IMMP2L: variants seen among roughly 807,000 people sequenced by gnomAD.
IMMP2L encodes mitochondrial inner membrane protease subunit 2.
In IMMP2L, 18 loss-of-function variants were observed where a neutral mutation model predicts 19.3. The ratio of observed to expected loss-of-function variants is 0.93; its 90% CI spans 0.64 to 1.38. The LOEUF is 1.38. IMMP2L is among the 40% of genes most tolerant of loss of function. The probability of loss-of-function intolerance (pLI) is 0.00; values close to 1 mark genes in which losing one functional copy is unlikely to be tolerated. For missense variants in IMMP2L, 233 were observed against 218.2 expected (o/e 1.07, Z -0.43); for synonymous variants, 76 against 73.0 (o/e 1.04, Z -0.21).
At chr7:111,059,159 T>G (rs1038610087) in intron 3 of IMMP2L, among the ~76,000 whole-genome samples, 1 of 152,024 alleles carries the variant, frequency 6.6e-6, no homozygotes, top group Non-Finnish European at 1.5e-5. Flanking sequence ...ATTTTTTATA[T>G]TTTCAGTAGA....
chr7:111,111,992 G>T (rs1799287939), intron 3 of IMMP2L, among the ~76,000 whole-genome samples: 1 of 124,048 alleles, frequency 8.1e-6, no homozygotes, highest in African/African-American at 3.2e-5. Flanking sequence ...CTGTCTCCCA[G>T]GCTGGAGTGC....
At chr7:111,426,592 A>G (rs1836099680) in intron 3 of IMMP2L, among the ~76,000 whole-genome samples, 1 of 151,218 alleles carries the variant, frequency 6.6e-6, no homozygotes, top group Non-Finnish European at 1.5e-5. Flanking sequence ...GACAAATATC[A>G]AAGTACTGTG....
intron 2 of IMMP2L, among the ~76,000 whole-genome samples, chr7:111,508,340 A>C (rs2132534513): frequency 6.6e-6 from 1 of 152,248 alleles, no homozygotes; most frequent in Admixed American, 6.5e-5. Context: ...AAATAGAAAA[A>C]TGTTTAATTA....
At chr7:111,412,725 A>C (rs75957154) in intron 3 of IMMP2L, among the ~76,000 whole-genome samples, 2,537 of 151,916 alleles carry the variant, frequency 0.017, 120 homozygotes, top group African/African-American at 0.058. Context: ...TAATCAATTA[A>C]ATAAAAATAT....
chr7:110,991,105 C>A (rs967765352), intron 3 of IMMP2L, among the ~76,000 whole-genome samples: 1 of 152,116 alleles, frequency 6.6e-6, no homozygotes, highest in African/African-American at 2.4e-5. Flanking sequence ...GTATTTCAAA[C>A]CACATCATTT....
At chr7:111,147,844 T>A (rs933572596) in intron 3 of IMMP2L, among the ~76,000 whole-genome samples, 3 of 152,148 alleles carry the variant, frequency 2.0e-5, no homozygotes, top group Non-Finnish European at 4.4e-5. Flanking sequence ...AACAAATGCT[T>A]GCAATGTTCC....
chr7:111,199,313 T>A (rs1809849627), intron 3 of IMMP2L, among the ~76,000 whole-genome samples: 1 of 152,160 alleles, frequency 6.6e-6, no homozygotes, highest in African/African-American at 2.4e-5. Context: ...TAAGAGTAAC[T>A]GGACAACCTG....
At chr7:110,738,874 A>G (rs1796813445) in intron 5 of IMMP2L, among the ~76,000 whole-genome samples, 1 of 152,246 alleles carries the variant, frequency 6.6e-6, no homozygotes, top group Non-Finnish European at 1.5e-5. Flanking sequence ...TCTCAGCAGA[A>G]ACTCTACAAA....
chr7:111,293,736 C>T (rs2129757182), intron 3 of IMMP2L, among the ~76,000 whole-genome samples: 1 of 152,040 alleles, frequency 6.6e-6, no homozygotes, highest in South Asian at 2.1e-4. Context: ...TTCTTCCATA[C>T]ACCAGGTGCT....
intron 3 of IMMP2L, among the ~76,000 whole-genome samples, chr7:111,376,504 T>C (rs1348483642): frequency 6.6e-6 from 1 of 152,106 alleles, no homozygotes; most frequent in Non-Finnish European, 1.5e-5. Flanking sequence ...TTTCCTCAAA[T>C]GCTTAAACAC....
At chr7:111,450,842 T>A (rs1251196879) in intron 3 of IMMP2L, among the ~76,000 whole-genome samples, 3 of 149,160 alleles carry the variant, frequency 2.0e-5, no homozygotes, top group South Asian at 2.1e-4. Context: ...GAATCTACAA[T>A]GAACTCAAAC....
chr7:111,496,228 T>A (rs969638998), intron 2 of IMMP2L, among the ~76,000 whole-genome samples: 1 of 152,134 alleles, frequency 6.6e-6, no homozygotes, highest in African/African-American at 2.4e-5. Flanking sequence ...ATAATTTGCA[T>A]GGCTTCTAGA....
intron 3 of IMMP2L, among the ~76,000 whole-genome samples, chr7:111,084,914 ATTG>A (rs1344296133): frequency 2.0e-5 from 3 of 152,198 alleles, no homozygotes; most frequent in Non-Finnish European, 4.4e-5. Flanking sequence ...TAAAGGGATG[ATTG>A]TTGTTATTAT....
intron 3 of IMMP2L, among the ~76,000 whole-genome samples, chr7:111,048,261 A>AG (rs1317865892): frequency 1.3e-5 from 2 of 148,656 alleles, no homozygotes; most frequent in African/African-American, 5.1e-5. Flanking sequence ...AAAAAAAAAA[A>AG]AAAAGAAAAA....
intron 3 of IMMP2L, among the ~76,000 whole-genome samples, chr7:111,481,978 G>A (rs1224233860): frequency 6.6e-6 from 1 of 152,162 alleles, no homozygotes. Context: ...GATCACTTAG[G>A]CCCAGGAGTT....
At chr7:111,529,411 C>T (rs1847186955) in intron 1 of IMMP2L, among the ~76,000 whole-genome samples, 1 of 152,172 alleles carries the variant, frequency 6.6e-6, no homozygotes, top group African/African-American at 2.4e-5. Flanking sequence ...TTTTTCAGGA[C>T]TATCTTGCTC....
intron 3 of IMMP2L, among the ~76,000 whole-genome samples, chr7:111,313,116 T>C (rs1342089863): frequency 6.6e-6 from 1 of 152,096 alleles, no homozygotes; most frequent in Non-Finnish European, 1.5e-5. Context: ...GAGCCTATAC[T>C]GTCCAGCAGC....
intron 4 of IMMP2L, among the ~76,000 whole-genome samples, chr7:110,961,432 G>T (rs1585460472): frequency 2.1e-5 from 3 of 141,124 alleles, no homozygotes; most frequent in South Asian, 2.2e-4. Context: ...AAAAGTCTGT[G>T]TTTTTTTTTT....
intron 4 of IMMP2L, among the ~76,000 whole-genome samples, chr7:110,928,023 A>G (rs1325091448): frequency 2.6e-5 from 4 of 152,028 alleles, no homozygotes; most frequent in Admixed American, 2.6e-4. Flanking sequence ...TCTCAAATCT[A>G]TTTTAGAGCA....
Sources: allele counts gnomAD v4.1 joint callset (sites outside exome capture counted in the v4.1 genomes callset), GRCh38; gene constraint gnomAD v4.1.1; transcripts MANE v1.5; gene names NCBI Gene and HGNC (gene_info 2026-07-23, HGNC 2026-07-21).